The following PLB1 variants were observed in gnomAD, a reference collection of about 807,000 sequenced individuals.
PLB1 encodes the protein phospholipase B1, also known as phospholipase B1, membrane-associated.
PLB1 carries 242 observed loss-of-function variants against 227.4 expected under a neutral mutation model. The observed-to-expected ratio is 1.06, with a 90% CI of 0.96 to 1.18. PLB1 has a LOEUF of 1.18. PLB1 is among the 50% of genes most tolerant of loss of function. The pLI is 0.00. For missense variants in PLB1, 1,858 were observed against 1,816.3 expected, an observed-to-expected ratio of 1.02 and a Z score of -0.42; for synonymous variants, 757 against 682.2, an observed-to-expected ratio of 1.11 and a Z score of -1.71.
chr2:28,532,503 A>G (rs565529984), intron 9 of PLB1, among the ~76,000 whole-genome samples: 5 of 152,360 alleles, frequency 3.3e-5, no homozygotes, highest in Admixed American at 3.3e-4. Flanking sequence ...CAGTTCAGTG[A>G]CATTAGATAA....
At chr2:28,525,841 G>A (rs1670172611) in intron 5 of PLB1, 64 bp from the exon 6 acceptor site, 1 of 1,584,574 alleles carries the variant, frequency 6.3e-7, no homozygotes, top group Admixed American at 1.7e-5. Flanking sequence ...ACAGCCAAGG[G>A]GAAGGGCTAT....
intron 1 of PLB1, 33 bp from the exon 2 acceptor site, chr2:28,516,775 T>C: frequency 6.3e-7 from 1 of 1,594,246 alleles, no homozygotes; most frequent in Non-Finnish European, 8.6e-7. Flanking sequence ...TAATTCCAGC[T>C]AAATAACTTG....
intron 21 of PLB1, among the ~76,000 whole-genome samples, chr2:28,577,262 C>T (rs1478150109): frequency 2.0e-5 from 3 of 152,170 alleles, no homozygotes; most frequent in Non-Finnish European, 2.9e-5. Context: ...GTCCCAGTGA[C>T]CCTCCAAGAT....
At position 28,618,307 on chromosome 2, in the gene PLB1, C is replaced by A. The variant is rs769672695; in HGVS notation, c.3257-34C>A. Reference sequence around the variant, plus strand: ...TACTTTAAGAGGTAGATACCCCCAGCCCCCACAACCACCTCTCTGCTTGTC... The same window carrying A: ...TACTTTAAGAGGTAGATACCCCCAGACCCCACAACCACCTCTCTGCTTGTC... On this transcript the variant is annotated intron_variant, in intron 45 of 57. Transcript: ENST00000327757. 3.8e-6 allele frequency: 6 copies of A among 1,599,412 alleles called. No homozygotes were observed. The African/African-American group carries it at 5.4e-5, about 14-fold the overall frequency.
chr2:28,550,708 T>A (rs1440503939), intron 16 of PLB1, among the ~76,000 whole-genome samples: 1 of 151,446 alleles, frequency 6.6e-6, no homozygotes, highest in African/African-American at 2.4e-5. Context: ...ACCCGGCTAT[T>A]TTTTTGTATT....
chr2:28,523,063 C>T (rs76320667), intron 4 of PLB1, among the ~76,000 whole-genome samples: 5,785 of 152,184 alleles, frequency 0.038, 155 homozygotes, highest in Middle Eastern at 0.075. Context: ...GCTATAGACC[C>T]CCTTTTCCTT....
At chr2:28,607,411 A>T (rs761965272) in intron 43 of PLB1, among the ~76,000 whole-genome samples, 3 of 152,084 alleles carry the variant, frequency 2.0e-5, no homozygotes, top group Non-Finnish European at 2.9e-5. Context: ...CCCTGTTCAC[A>T]TGCCTGCTCC....
intron 26 of PLB1, among the ~76,000 whole-genome samples, chr2:28,587,292 A>C (rs569338825): frequency 2.0e-3 from 301 of 152,302 alleles, no homozygotes; most frequent in African/African-American, 6.9e-3. Context: ...GAATCATGGA[A>C]TCATGGACTT....
At position 28,566,492 on chromosome 2, in the gene PLB1, C is replaced by T. The variant is rs1676927078; in HGVS notation, c.1281-304C>T. The T allele has an allele frequency of 1.6e-5, 6 of 374,398 alleles. No individual in the cohort carries two copies. The South Asian group carries it at 1.8e-4, about 11-fold the overall frequency. 23.2% of individuals were successfully genotyped at this position (374,398 alleles called of 1,614,324 possible). A position where few individuals can be genotyped will look rare whatever the true frequency, so the allele number is the denominator to read the frequency against. The stretch of plus-strand genomic sequence containing the variant: ...GGCTAGTTGGAAAGGGGCTGGCAGA[C>T]GAGGGACTACTTCCCCTTTGAAAGC... On this transcript the variant is annotated intron_variant, in intron 19 of 57. Transcript: ENST00000327757.
At chr2:28,513,080 G>A (rs1426923943) in intron 1 of PLB1, among the ~76,000 whole-genome samples, 1 of 152,062 alleles carries the variant, frequency 6.6e-6, no homozygotes, top group Admixed American at 6.6e-5. Context: ...TTCCATATTA[G>A]TCCACTGCTT....
rs3041209 is a variant in PLB1 at position 28,558,156 on chromosome 2, CTGTG to C, written c.1148-4863_1148-4860del. On this transcript the variant is annotated intron_variant, in intron 17 of 57. Coordinates refer to ENST00000327757, the MANE Select transcript of PLB1 (RefSeq NM_153021.5). The stretch of plus-strand genomic sequence containing the variant: ...TAAACATAGGGGGGTGTGTGTGTCT[CTGTG>C]TGTGTGTGTGTGTGTGTGTGTCTAT... Among the ~76,000 whole-genome samples, 1,009 of 150,266 alleles carry C rather than the reference CTGTG, an allele frequency of 6.7e-3. 15 individuals are homozygous for C. Among genetic ancestry groups the C allele is most frequent in the African/African-American group, 0.023 (953 of 40,964 alleles).
intron 17 of PLB1, among the ~76,000 whole-genome samples, chr2:28,559,677 G>A (rs1675719531): frequency 6.6e-6 from 1 of 150,790 alleles, no homozygotes; most frequent in Non-Finnish European, 1.5e-5. Context: ...GGGTGCTGTG[G>A]GTTGTATATA....
chr2:28,628,790 A>G (rs532790086), intron 52 of PLB1, among the ~76,000 whole-genome samples, 162 bp downstream of exon 52: 1 of 152,234 alleles, frequency 6.6e-6, no homozygotes, highest in East Asian at 1.9e-4. Context: ...TGCAGGGAAA[A>G]TTCTCACTTG....
rs1301827727 is a variant in PLB1, at chr2:28,537,568, G to A, written c.556-751G>A. On this transcript the variant is annotated intron_variant, in intron 9 of 57. Coordinates refer to ENST00000327757, the MANE Select transcript of PLB1 (RefSeq NM_153021.5). The stretch of plus-strand genomic sequence containing the variant: ...TAGCTGGGCATGGTGGCGGGCGCCT[G>A]TAATCCCAGCTACTCAGGAGGTGGA... Among the ~76,000 whole-genome samples, 27 of 144,166 alleles carry A rather than the reference G, an allele frequency of 1.9e-4. 1 individual carries two copies. The Admixed American group carries it at 1.9e-3, about 10-fold the overall frequency. 94.6% of individuals were successfully genotyped at this position (144,166 alleles called of 152,430 possible).
chr2:28,633,246 A>T (rs1688891481), intron 56 of PLB1: 1 of 549,952 alleles, frequency 1.8e-6, no homozygotes, highest in Non-Finnish European at 3.2e-6. Flanking sequence ...ATACAAACAC[A>T]CACTCACACA....
At chr2:28,534,152 T>C (rs1671369851) in intron 9 of PLB1, among the ~76,000 whole-genome samples, 2 of 152,236 alleles carry the variant, frequency 1.3e-5, no homozygotes, top group Admixed American at 6.5e-5. Flanking sequence ...TGTTGACATA[T>C]ATGGAATGAG....
chr2:28,632,942 A>G lies in PLB1; in HGVS notation c.4003-2A>G, dbSNP rs771822783. The G allele has an allele frequency of 7.5e-6, 12 of 1,604,768 alleles. No individual in the cohort carries two copies. In the East Asian group the frequency reaches 2.0e-4, roughly 27 times the overall value. ...TGATAACCTCCTTGCCGTTGGTTGC[A>G]GAGAGGGGACACTGACCTCACCTTC... On this transcript the variant is annotated splice_acceptor_variant, in intron 55 of 57. Transcript: ENST00000327757. LOFTEE classifies it high-confidence loss of function.
At chr2:28,563,183 G>A in intron 18 of PLB1, 84 bp downstream of exon 18, 3 of 1,379,940 alleles carry the variant, frequency 2.2e-6, no homozygotes, top group East Asian at 2.3e-5. Flanking sequence ...GGAGAGAGAA[G>A]GTCTCACGCC....
chr2:28,550,831 C>T (rs539583604), intron 16 of PLB1, among the ~76,000 whole-genome samples: 2 of 152,312 alleles, frequency 1.3e-5, no homozygotes, highest in African/African-American at 4.8e-5. Flanking sequence ...TGAGCCACTA[C>T]GCCCAGCCAT....
Sources: allele counts gnomAD v4.1 joint callset (sites outside exome capture counted in the v4.1 genomes callset), GRCh38; gene constraint gnomAD v4.1.1; transcripts MANE v1.5; gene names NCBI Gene and HGNC (gene_info 2026-07-23, HGNC 2026-07-21).